The following DPP10 variants were observed in gnomAD, a reference collection of about 807,000 sequenced individuals.
DPP10 encodes the protein inactive dipeptidyl peptidase 10.
In DPP10, 33 loss-of-function variants were observed where a neutral mutation model predicts 120.9. The ratio of observed to expected loss-of-function variants is 0.27; its 90% CI spans 0.21 to 0.37. DPP10 has a LOEUF of 0.37. Ranked by LOEUF, DPP10 falls within the 10% of genes least tolerant of loss-of-function variation. The pLI, the probability that DPP10 is intolerant of heterozygous loss-of-function variation, is 1.00. For missense variants in DPP10, 816 were observed against 942.8 expected (o/e 0.87, Z 1.76); for synonymous variants, 337 against 326.1 (o/e 1.03, Z -0.36).
At chr2:114,866,112 AAAAT>A (rs10650348) in intron 1 of DPP10, among the ~76,000 whole-genome samples, 3,573 of 141,638 alleles carry the variant, frequency 0.025, 87 homozygotes, top group African/African-American at 0.07. Flanking sequence ...CTCTGTCTCA[AAAAT>A]AAATAAATAA....
intron 1 of DPP10, among the ~76,000 whole-genome samples, chr2:115,239,739 C>G (rs1033343951): frequency 5.3e-5 from 8 of 152,104 alleles, no homozygotes; most frequent in African/African-American, 1.9e-4. Flanking sequence ...TCTCCTAATG[C>G]TATCCCTCTC....
chr2:114,491,881 C>G (rs1446722607), intron 1 of DPP10, among the ~76,000 whole-genome samples: 3 of 152,144 alleles, frequency 2.0e-5, no homozygotes, highest in Non-Finnish European at 4.4e-5. Context: ...ATGGTGGTGT[C>G]TTTCCCTTTA....
intron 1 of DPP10, among the ~76,000 whole-genome samples, chr2:114,480,375 T>C (rs1409206687): frequency 6.6e-6 from 1 of 152,104 alleles, no homozygotes; most frequent in Non-Finnish European, 1.5e-5. Context: ...CAAAGGATTA[T>C]AAATCATGCT....
chr2:115,654,884 T>C (rs556830148), intron 5 of DPP10, among the ~76,000 whole-genome samples: 1 of 151,884 alleles, frequency 6.6e-6, no homozygotes, highest in South Asian at 2.1e-4. Flanking sequence ...CTATCAGGGA[T>C]AGAGAAAGCT....
At chr2:114,832,340 T>C (rs989111615) in intron 1 of DPP10, among the ~76,000 whole-genome samples, 1 of 152,176 alleles carries the variant, frequency 6.6e-6, no homozygotes, top group Non-Finnish European at 1.5e-5. Context: ...GAGACCATCC[T>C]GGCTAACACG....
chr2:115,040,454 T>A (rs895778549), intron 1 of DPP10, among the ~76,000 whole-genome samples: 42 of 151,980 alleles, frequency 2.8e-4, no homozygotes, highest in African/African-American at 9.9e-4. Context: ...AAAAATAGAG[T>A]AAACAGTCAC....
chr2:114,790,537 AC>A (rs1277456508), intron 1 of DPP10, among the ~76,000 whole-genome samples: 1 of 152,084 alleles, frequency 6.6e-6, no homozygotes, highest in African/African-American at 2.4e-5. Flanking sequence ...TGTGTATTTC[AC>A]CTGGGTGCAG....
intron 1 of DPP10, among the ~76,000 whole-genome samples, chr2:114,578,418 A>G (rs1312162392): frequency 6.6e-6 from 1 of 151,994 alleles, no homozygotes; most frequent in Non-Finnish European, 1.5e-5. Context: ...TTTATGGTCC[A>G]TTTCTTTTTA....
At chr2:115,438,597 A>G (rs1286678375) in intron 3 of DPP10, among the ~76,000 whole-genome samples, 2 of 152,236 alleles carry the variant, frequency 1.3e-5, no homozygotes, top group African/African-American at 4.8e-5. Flanking sequence ...ATGCTATCCC[A>G]TAGATGAATC....
intron 2 of DPP10, among the ~76,000 whole-genome samples, chr2:115,328,198 T>C (rs1333985564): frequency 6.6e-6 from 1 of 152,088 alleles, no homozygotes; most frequent in African/African-American, 2.4e-5. Flanking sequence ...GAGGACATCA[T>C]TTCAGGGTGT....
At chr2:115,242,677 T>TA (rs796595479) in intron 1 of DPP10, among the ~76,000 whole-genome samples, 158 of 151,830 alleles carry the variant, frequency 1.0e-3, no homozygotes, top group African/African-American at 3.7e-3. Context: ...CATCTATTTT[T>TA]TTTTTTTTTT....
intron 1 of DPP10, among the ~76,000 whole-genome samples, chr2:114,738,217 T>C (rs1050755123): frequency 2.0e-5 from 3 of 152,186 alleles, no homozygotes; most frequent in African/African-American, 7.2e-5. Context: ...GGGATTACAG[T>C]TGGACCTGAG....
chr2:115,198,564 AT>A (rs1254082847), intron 1 of DPP10, among the ~76,000 whole-genome samples: 7 of 152,088 alleles, frequency 4.6e-5, no homozygotes, highest in Non-Finnish European at 1.0e-4. Context: ...AGATTTCTTC[AT>A]GTGTTACTCC....
chr2:115,587,577 A>G (rs1389710335), intron 5 of DPP10, among the ~76,000 whole-genome samples: 1 of 152,152 alleles, frequency 6.6e-6, no homozygotes, highest in Non-Finnish European at 1.5e-5. Flanking sequence ...GTGCACCCCC[A>G]TGTTCTTTGC....
chr2:114,842,482 C>A (rs1688238274), intron 1 of DPP10, among the ~76,000 whole-genome samples: 1 of 152,082 alleles, frequency 6.6e-6, no homozygotes, highest in Admixed American at 6.6e-5. Flanking sequence ...TCAAGATGCA[C>A]AGCAACTCCC....
chr2:115,492,059 G>A (rs373528657), intron 3 of DPP10, among the ~76,000 whole-genome samples: 29 of 152,128 alleles, frequency 1.9e-4, no homozygotes, highest in East Asian at 1.2e-3. Context: ...TCTAAATAAC[G>A]TCACAACAGC....
intron 1 of DPP10, among the ~76,000 whole-genome samples, chr2:114,728,769 G>T (rs897780522): frequency 1.3e-5 from 2 of 152,214 alleles, no homozygotes; most frequent in African/African-American, 4.8e-5. Context: ...CACATACAGT[G>T]TCTCATTCCG....
intron 1 of DPP10, among the ~76,000 whole-genome samples, chr2:115,119,228 G>A (rs181124370): frequency 1.3e-5 from 2 of 152,110 alleles, no homozygotes; most frequent in Non-Finnish European, 2.9e-5. Flanking sequence ...TACCAGTAGA[G>A]TGTTCCAGAG....
chr2:114,858,336 T>G (rs1459324243), intron 1 of DPP10, among the ~76,000 whole-genome samples: 1 of 152,164 alleles, frequency 6.6e-6, no homozygotes, highest in Admixed American at 6.5e-5. Context: ...AGAGTGAGGG[T>G]AAGGATGTCT....
Sources: allele counts gnomAD v4.1 joint callset (sites outside exome capture counted in the v4.1 genomes callset), GRCh38; gene constraint gnomAD v4.1.1; transcripts MANE v1.5; gene names NCBI Gene and HGNC (gene_info 2026-07-23, HGNC 2026-07-21).